SIPA1L1: variants seen among roughly 807,000 people sequenced by gnomAD.
The protein encoded by SIPA1L1 is signal-induced proliferation-associated 1-like protein 1.
Under a neutral mutation model 162.7 loss-of-function variants are expected in SIPA1L1, and 26 were observed. The ratio of observed to expected loss-of-function variants is 0.16; its 90% CI spans 0.12 to 0.22. SIPA1L1 has a LOEUF of 0.22. SIPA1L1 is among the 10% of genes least tolerant of loss of function. The pLI is 1.00. For synonymous variants in SIPA1L1, 829 were observed against 837.4 expected, an observed-to-expected ratio of 0.99 and a Z score of 0.17; for missense variants, 1,874 against 2,241.0, an observed-to-expected ratio of 0.84 and a Z score of 3.31.
intron 2 of SIPA1L1, among the ~76,000 whole-genome samples, chr14:71,509,710 C>G (rs1306492067): frequency 1.3e-5 from 2 of 148,722 alleles, no homozygotes; most frequent in South Asian, 2.1e-4. Context: ...CGCCATTGCA[C>G]TCCAGCCTGG....
Position 71,723,868 on chromosome 14 carries a change from G to A in SIPA1L1, c.4430G>A (p.Gly1477Glu), listed in dbSNP as rs1261676802. 3.7e-6 allele frequency: 6 copies of A among 1,614,070 alleles called. No homozygotes were observed. The highest frequency in any genetic ancestry group is 4.2e-6 in the Non-Finnish European group (5 of 1,180,044). The stretch of plus-strand genomic sequence containing the variant: ...CCCGAAGGAACCATAAACTCCGTGG[G>A]ATTTATGGACACGAGAAAGTAAGAG... ...KKPEGTINSVGFMDTRKRHQS... is the reference protein window; with the variant it reads ...KKPEGTINSVEFMDTRKRHQS... The change falls in exon 18 of 24, where the codon GGA becomes GAA. Residue 1477 changes from glycine to glutamate, a missense_variant. By Grantham distance (98) the Gly-to-Glu change is moderately conservative. Transcript: ENST00000381232.
At position 71,685,618 on chromosome 14, in the gene SIPA1L1, C is replaced by T. The variant is rs1282725306; in HGVS notation, c.3361C>T (p.Pro1121Ser). The change falls in exon 13 of 24, where the codon CCA (proline) becomes TCA (serine). Residue 1121 changes from proline (P) to serine (S), a missense_variant. Transcript: ENST00000381232. ...TCGAAGCATCTCCAGTGACGGGCGC[C>T]CACTAGAGAGGCGGTAAGTGTGCCT... Reference protein sequence around the residue: ...IPRSISSDGRPLERRLSPGSD... With the variant: ...IPRSISSDGRSLERRLSPGSD... 4 of 1,613,974 alleles carry T rather than the reference C, an allele frequency of 2.5e-6. No homozygotes were observed. The highest frequency in any genetic ancestry group is 3.4e-6 in the Non-Finnish European group (4 of 1,180,010).
chr14:71,391,875 T>C (rs1475127845), intron 2 of SIPA1L1, among the ~76,000 whole-genome samples: 1 of 152,154 alleles, frequency 6.6e-6, no homozygotes, highest in Non-Finnish European at 1.5e-5. Flanking sequence ...GTCCAGTGTG[T>C]AGTAGTAGAT....
At chr14:71,481,056 A>T (rs2048317279) in intron 2 of SIPA1L1, among the ~76,000 whole-genome samples, 1 of 152,206 alleles carries the variant, frequency 6.6e-6, no homozygotes. Context: ...TGTGGTTCTC[A>T]TCTTTTGTTA....
chr14:71,602,075 GTGATC>G (rs2036836512), intron 5 of SIPA1L1, among the ~76,000 whole-genome samples: 1 of 150,802 alleles, frequency 6.6e-6, no homozygotes, highest in African/African-American at 2.4e-5. Flanking sequence ...TAATTCTTCT[GTGATC>G]TGTTATTTCT....
chr14:71,642,549 A>C (rs896715840), intron 7 of SIPA1L1, among the ~76,000 whole-genome samples: 2 of 152,232 alleles, frequency 1.3e-5, no homozygotes, highest in African/African-American at 4.8e-5. Context: ...AAAAGCAAGA[A>C]CTACAAGGCT....
At chr14:71,369,817 T>G (rs2140994598) in intron 2 of SIPA1L1, among the ~76,000 whole-genome samples, 1 of 150,394 alleles carries the variant, frequency 6.6e-6, no homozygotes, top group East Asian at 1.9e-4. Context: ...TTCCATTTGT[T>G]TGTGTCCTTT....
At chr14:71,501,558 T>TTGTTAGCACTGG in intron 2 of SIPA1L1, among the ~76,000 whole-genome samples, 1 of 152,262 alleles carries the variant, frequency 6.6e-6, no homozygotes, top group Non-Finnish European at 1.5e-5. Flanking sequence ...GTCAAAATGG[T>TTGTTAGCACTGG]TGTTAGCACT....
At chr14:71,445,571 T>G (rs1330598380) in intron 2 of SIPA1L1, among the ~76,000 whole-genome samples, 4 of 152,190 alleles carry the variant, frequency 2.6e-5, no homozygotes, top group Non-Finnish European at 5.9e-5. Flanking sequence ...GTTGTACTGG[T>G]GGTTCACTTA....
chr14:71,670,493 A>G (rs1383889900), intron 10 of SIPA1L1, among the ~76,000 whole-genome samples: 1 of 152,272 alleles, frequency 6.6e-6, no homozygotes, highest in Admixed American at 6.5e-5. Flanking sequence ...TTGCTATTAC[A>G]TAAAGATTCT....
intron 2 of SIPA1L1, among the ~76,000 whole-genome samples, chr14:71,458,410 TG>T (rs1471186645): frequency 1.3e-5 from 2 of 152,198 alleles, no homozygotes; most frequent in Non-Finnish European, 2.9e-5. Flanking sequence ...GTAACATTTT[TG>T]TCAAAACCTT....
Position 71,588,820 on chromosome 14 carries a change from C to A in SIPA1L1, c.948C>A (p.Asn316Lys). ...GGAAGTCATCAGATCTTGAAGATAACCGATCAGAAGACTCTGTCAGGCCCT... is the reference window on the plus strand; with the variant it reads ...GGAAGTCATCAGATCTTGAAGATAAACGATCAGAAGACTCTGTCAGGCCCT... ...ELGKSSDLED[N>K]RSEDSVRPWT... Residue 316 changes from asparagine (N) to lysine (K), a missense_variant, in exon 5 of 24, where the codon AAC becomes AAA. Coordinates refer to ENST00000381232, the MANE Select transcript of SIPA1L1 (RefSeq NM_001386936.1). This position sits in a 1 kb window ranked among gnomAD's most constrained non-coding sequence, Gnocchi z 4.3. The A allele has an allele frequency of 1.9e-6, 3 of 1,614,106 alleles. No homozygotes were observed. The highest frequency in any genetic ancestry group is 2.5e-6 in the Non-Finnish European group (3 of 1,179,990).
chr14:71,457,401 C>T (rs1397229717), intron 2 of SIPA1L1, among the ~76,000 whole-genome samples: 2 of 149,612 alleles, frequency 1.3e-5, no homozygotes, highest in East Asian at 2.0e-4. Context: ...CCGGTTCAAA[C>T]GGTTCTTCTG....
chr14:71,692,135 T>G (rs201649095), intron 13 of SIPA1L1, among the ~76,000 whole-genome samples: 2 of 152,188 alleles, frequency 1.3e-5, no homozygotes, highest in Non-Finnish European at 2.9e-5. Flanking sequence ...AAGGGCTTAT[T>G]TAAGTAACTG....
chr14:71,438,657 G>T (rs1422405541), intron 2 of SIPA1L1, among the ~76,000 whole-genome samples: 1 of 152,190 alleles, frequency 6.6e-6, no homozygotes, highest in African/African-American at 2.4e-5. Flanking sequence ...AAAATTGTTT[G>T]TGCAGAATTC....
intron 2 of SIPA1L1, among the ~76,000 whole-genome samples, chr14:71,453,996 C>CAAAAAA (rs751420064): frequency 3.9e-5 from 3 of 76,556 alleles, no homozygotes; most frequent in African/African-American, 6.3e-5. Context: ...GAGATTGTTT[C>CAAAAAA]AAAAAAAAAA....
intron 4 of SIPA1L1, among the ~76,000 whole-genome samples, chr14:71,556,927 G>A (rs2056404747): frequency 6.6e-6 from 1 of 151,982 alleles, no homozygotes; most frequent in African/African-American, 2.4e-5. Flanking sequence ...TCTGGAATGA[G>A]TGTCTTTTGA....
intron 2 of SIPA1L1, among the ~76,000 whole-genome samples, chr14:71,365,906 TTA>T (rs1491202989): frequency 2.1e-5 from 3 of 139,662 alleles, no homozygotes; most frequent in African/African-American, 8.0e-5. Context: ...TTTTTTTTTT[TTA>T]AGAGATGGGG....
At chr14:71,567,998 G>A (rs973812908) in intron 4 of SIPA1L1, among the ~76,000 whole-genome samples, 1 of 152,194 alleles carries the variant, frequency 6.6e-6, no homozygotes, top group Non-Finnish European at 1.5e-5. Flanking sequence ...AGCGTATAAC[G>A]AGCAGTGAAG....
Sources: allele counts gnomAD v4.1 joint callset (sites outside exome capture counted in the v4.1 genomes callset), GRCh38; gene constraint gnomAD v4.1.1; non-coding constraint Gnocchi (gnomAD v3.1); transcripts MANE v1.5; gene names NCBI Gene and HGNC (gene_info 2026-07-23, HGNC 2026-07-21).